The following PTPRQ variants were observed in gnomAD, a reference collection of about 807,000 sequenced individuals.
PTPRQ encodes phosphatidylinositol phosphatase PTPRQ.
In PTPRQ, 199 loss-of-function variants were observed where a neutral mutation model predicts 246.0. The ratio of observed to expected loss-of-function variants is 0.81; its 90% CI spans 0.72 to 0.91. The LOEUF (loss-of-function observed/expected upper bound fraction) is 0.91, where lower values mean the gene tolerates loss of function less well. Among genes scored for constraint, PTPRQ ranks in the 40% least tolerant of loss-of-function variants. The pLI is 0.00. For missense variants in PTPRQ, 2,624 were observed against 2,528.4 expected (o/e 1.04, Z -0.81); for synonymous variants, 869 against 853.2 (o/e 1.02, Z -0.32).
chr12:80,477,230 C>CA (rs1302584683), intron 8 of PTPRQ, among the ~76,000 whole-genome samples: 3 of 152,082 alleles, frequency 2.0e-5, no homozygotes, highest in Non-Finnish European at 4.4e-5. Flanking sequence ...AGAAAAAAAT[C>CA]AATCAACTCT....
At chr12:80,644,804 C>G (rs550391889) in intron 35 of PTPRQ, among the ~76,000 whole-genome samples, 48 of 151,844 alleles carry the variant, frequency 3.2e-4, no homozygotes, top group Non-Finnish European at 4.4e-4. Context: ...AGAATGTAGC[C>G]AACACCTAAG....
At chr12:80,474,792 T>G (rs1369502878) in intron 8 of PTPRQ, among the ~76,000 whole-genome samples, 1 of 152,156 alleles carries the variant, frequency 6.6e-6, no homozygotes, top group Non-Finnish European at 1.5e-5. Flanking sequence ...GTCTAACAAC[T>G]TTTCTGTCAG....
At chr12:80,636,295 T>C (rs778454493) in intron 35 of PTPRQ, among the ~76,000 whole-genome samples, 1 of 152,194 alleles carries the variant, frequency 6.6e-6, no homozygotes, top group Non-Finnish European at 1.5e-5. Flanking sequence ...ATAAGAAATA[T>C]TATGTACAAA....
At chr12:80,649,059 G>T (rs1183841049) in intron 36 of PTPRQ, 136 bp downstream of exon 36, 13 of 807,924 alleles carry the variant, frequency 1.6e-5, no homozygotes, top group Non-Finnish European at 2.3e-5. Flanking sequence ...AATCATAAAA[G>T]CATGACTAAT....
chr12:80,624,373 T>C (rs1035937653), intron 33 of PTPRQ, among the ~76,000 whole-genome samples: 1 of 152,206 alleles, frequency 6.6e-6, no homozygotes, highest in Non-Finnish European at 1.5e-5. Context: ...TTTAGGTTGC[T>C]CCTTAGAGTG....
At chr12:80,619,048 A>C (rs568160820) in intron 30 of PTPRQ, among the ~76,000 whole-genome samples, 1 of 151,642 alleles carries the variant, frequency 6.6e-6, no homozygotes, top group South Asian at 2.1e-4. Context: ...ACTACACTAA[A>C]ATTATAGTAA....
intron 23 of PTPRQ, among the ~76,000 whole-genome samples, chr12:80,543,379 C>T (rs2120845525): frequency 6.6e-6 from 1 of 151,742 alleles, no homozygotes; most frequent in East Asian, 1.9e-4. Context: ...GCAACACTAA[C>T]CACATTTTCC....
chr12:80,589,858 A>G (rs753461669), intron 26 of PTPRQ, among the ~76,000 whole-genome samples: 6 of 152,124 alleles, frequency 3.9e-5, no homozygotes, highest in Non-Finnish European at 7.4e-5. Flanking sequence ...TCAGCAAATA[A>G]TTGTTTTTTA....
intron 6 of PTPRQ, among the ~76,000 whole-genome samples, chr12:80,465,737 A>G (rs2120511708): frequency 1.3e-5 from 2 of 152,294 alleles, no homozygotes; most frequent in East Asian, 3.9e-4. Context: ...GCATATAAAC[A>G]GAACCAAAGA....
chr12:80,546,684 A>G lies in PTPRQ; in HGVS notation c.4002A>G (p.Thr1334=). The G allele has an allele frequency of 6.4e-7, 1 of 1,551,232 alleles. No individual in the cohort carries two copies. The highest frequency in any genetic ancestry group is 8.7e-7 in the Non-Finnish European group (1 of 1,146,780). Residue 1334 remains threonine, a synonymous_variant, in exon 24 of 45, where the codon ACA becomes ACG. Transcript: ENST00000644991. ...AATTTAGTAATGTAGTAAAATTCACAACCCAAGAATCAGGTTAGATACAGT... is the reference window on the plus strand; with the variant it reads ...AATTTAGTAATGTAGTAAAATTCACGACCCAAGAATCAGGTTAGATACAGT... The part of the protein sequence containing the change: ...GNQFSNVVKF[T]TQESVPDVVQ...
At chr12:80,483,583 A>G (rs1299214075) in intron 8 of PTPRQ, among the ~76,000 whole-genome samples, 1 of 152,170 alleles carries the variant, frequency 6.6e-6, no homozygotes, top group African/African-American at 2.4e-5. Flanking sequence ...AAGACATTTA[A>G]TTTAACAAAA....
At chr12:80,444,884 G>A (rs1390350256) in intron 2 of PTPRQ, 35 bp downstream of exon 2, 36 of 1,471,690 alleles carry the variant, frequency 2.4e-5, no homozygotes, top group Non-Finnish European at 3.2e-5. Context: ...TGTAAGTAAA[G>A]TATTTGGAGT....
At chr12:80,646,138 A>G (rs1269804290) in intron 35 of PTPRQ, among the ~76,000 whole-genome samples, 1 of 152,166 alleles carries the variant, frequency 6.6e-6, no homozygotes, top group Non-Finnish European at 1.5e-5. Flanking sequence ...AACAGTATGG[A>G]TAGGAGCAGC....
rs369169269 is a variant in PTPRQ at position 80,587,359 on chromosome 12, G to A, written c.4286-770G>A. ...AGGCCGTTGAAGATATACAAAGAAA[G>A]GCATGGTTAAGAAGAGTTCCAATAT... On this transcript the variant is annotated intron_variant, in intron 25 of 44. Coordinates refer to ENST00000644991, the MANE Select transcript of PTPRQ (RefSeq NM_001145026.2). Among the ~76,000 whole-genome samples the A allele has an allele frequency of 1.2e-4, 19 of 152,248 alleles. 1 individual carries two copies. Among genetic ancestry groups the A allele is most frequent in the Admixed American group, 2.0e-4 (3 of 15,288 alleles).
At chr12:80,450,512 G>C (rs549706893) in intron 3 of PTPRQ, among the ~76,000 whole-genome samples, 2 of 152,044 alleles carry the variant, frequency 1.3e-5, no homozygotes, top group Non-Finnish European at 2.9e-5. Flanking sequence ...TTGGCTGTGG[G>C]TTTGTCATAG....
At chr12:80,666,733 C>A (rs1900798893) in intron 39 of PTPRQ, among the ~76,000 whole-genome samples, 1 of 151,970 alleles carries the variant, frequency 6.6e-6, no homozygotes, top group African/African-American at 2.4e-5. Context: ...AACTGCTCAT[C>A]TGGAGTCTTC....
intron 23 of PTPRQ, among the ~76,000 whole-genome samples, chr12:80,546,093 AGAT>A (rs1318078482): frequency 6.6e-6 from 1 of 152,098 alleles, no homozygotes; most frequent in Non-Finnish European, 1.5e-5. Flanking sequence ...CGAGGTGGGC[AGAT>A]CACCTCAGGT....
intron 27 of PTPRQ, 100 bp downstream of exon 27, chr12:80,605,280 C>G: frequency 7.1e-7 from 1 of 1,400,770 alleles, no homozygotes; most frequent in Non-Finnish European, 9.5e-7. Flanking sequence ...CTCTGTTAGA[C>G]AGTAGGAAAA....
At position 80,533,999 on chromosome 12, in the gene PTPRQ, AT is replaced by A. The variant is rs1352478116; in HGVS notation, c.2679-14del. ...TTTAAAATTCAATTCTACAGATAATATTCTTTTTATCTCAGGAATAGATCAT... is the reference window on the plus strand; with the variant it reads ...TTTAAAATTCAATTCTACAGATAATATCTTTTTATCTCAGGAATAGATCAT... On this transcript the variant is annotated splice_polypyrimidine_tract_variant and intron_variant, in intron 17 of 44. Transcript: ENST00000644991. 13 of 1,452,526 alleles carry A rather than the reference AT, an allele frequency of 8.9e-6. No homozygotes were observed. Among genetic ancestry groups the A allele is most frequent in the African/African-American group, 1.5e-5 (1 of 67,784 alleles). 90.0% of individuals were successfully genotyped at this position (1,452,526 alleles called of 1,614,324 possible).
Sources: gnomAD v4.1 joint callset for allele counts (sites outside exome capture counted in the v4.1 genomes callset) on GRCh38, gnomAD v4.1.1 for gene constraint, MANE v1.5 for transcripts, NCBI Gene and HGNC (gene_info 2026-07-23, HGNC 2026-07-21) for gene names.